Variants in HCRTR2 observed in about 807,000 individuals in gnomAD.
HCRTR2 encodes hypocretin receptor 2, also known as orexin receptor type 2.
Under a neutral mutation model 49.0 loss-of-function variants are expected in HCRTR2, and 22 were observed. The ratio of observed to expected loss-of-function variants is 0.45; its 90% CI spans 0.32 to 0.64. The LOEUF (loss-of-function observed/expected upper bound fraction) is 0.64. HCRTR2 is among the 30% of genes least tolerant of loss of function. HCRTR2 has a pLI of 0.04. For missense variants in HCRTR2, 491 were observed against 559.4 expected (o/e 0.88, Z 1.23); for synonymous variants, 236 against 205.3 (o/e 1.15, Z -1.28).
chr6:55,280,614 C>A, intron 6 of HCRTR2, 170 bp downstream of exon 6: 1 of 305,328 alleles, frequency 3.3e-6, no homozygotes, highest in Non-Finnish European at 4.8e-6. Context: ...TGTTACTGAA[C>A]TCATCAGAGA....
downstream of HCRTR2, among the ~76,000 whole-genome samples, chr6:55,283,798 T>A (rs959224080): frequency 2.0e-4 from 31 of 152,282 alleles, no homozygotes; most frequent in African/African-American, 5.8e-4. Context: ...ATTTTTGTTA[T>A]TTTTTCATTT....
intron 1 of HCRTR2, among the ~76,000 whole-genome samples, chr6:55,181,104 C>T (rs1362520001): frequency 2.0e-5 from 3 of 152,122 alleles, no homozygotes; most frequent in Non-Finnish European, 1.5e-5. Context: ...CTGTGCCTGA[C>T]GTGAACAGGT....
At chr6:55,262,896 G>A (rs1054721762) in intron 3 of HCRTR2, among the ~76,000 whole-genome samples, 2 of 150,850 alleles carry the variant, frequency 1.3e-5, no homozygotes, top group African/African-American at 4.9e-5. Context: ...TGTCTAATCT[G>A]TGATGTGTAT....
Position 55,191,167 on chromosome 6 carries a change from T to C in HCRTR2, c.223+16357T>C, listed in dbSNP as rs564494742. 5.4e-4 allele frequency among the ~76,000 whole-genome samples: 82 copies of C among 152,336 alleles called. No homozygotes were observed. In the South Asian group the frequency reaches 6.0e-3, roughly 11 times the overall value. The stretch of plus-strand genomic sequence containing the variant: ...TTTCCTAGTAACAACTTTGAAATTA[T>C]ATTTTTAGTATATTAAATTTAAAGT... On this transcript the variant is annotated intron_variant, in intron 1 of 6. Transcript: ENST00000370862.
intron 1 of HCRTR2, among the ~76,000 whole-genome samples, chr6:55,140,872 A>C (rs1281171937): frequency 1.3e-5 from 2 of 152,216 alleles, no homozygotes; most frequent in Non-Finnish European, 2.9e-5. Context: ...ACATACAGGC[A>C]TATCTGCCCT....
intron 1 of HCRTR2, among the ~76,000 whole-genome samples, chr6:55,195,367 T>A (rs1053606599): frequency 1.3e-5 from 2 of 152,120 alleles, no homozygotes; most frequent in African/African-American, 4.8e-5. Flanking sequence ...TTCTAGGTAA[T>A]CACTGAAGAT....
At chr6:55,275,566 TC>T (rs1767061604) in intron 4 of HCRTR2, among the ~76,000 whole-genome samples, 1 of 145,458 alleles carries the variant, frequency 6.9e-6, no homozygotes, top group African/African-American at 2.5e-5. Context: ...ATTTTTTTTT[TC>T]CCGATTTCAG....
intron 1 of HCRTR2, among the ~76,000 whole-genome samples, chr6:55,165,777 A>ATATATATC (rs1764869242): frequency 5.7e-5 from 3 of 52,910 alleles, no homozygotes; most frequent in African/African-American, 1.6e-4. Flanking sequence ...ATATATATAT[A>ATATATATC]TATATATATA....
chr6:55,217,702 A>G (rs764265063), intron 1 of HCRTR2, among the ~76,000 whole-genome samples: 1 of 152,186 alleles, frequency 6.6e-6, no homozygotes, highest in East Asian at 1.9e-4. Context: ...TAAATAATTT[A>G]TAAAATGATT....
intron 1 of HCRTR2, among the ~76,000 whole-genome samples, chr6:55,224,604 C>G (rs994793980): frequency 2.8e-5 from 4 of 145,318 alleles, no homozygotes; most frequent in Admixed American, 1.4e-4. Flanking sequence ...GCCTGGGCTA[C>G]AGAACGAGAC....
At chr6:55,165,975 A>G (rs1261896620) in intron 1 of HCRTR2, among the ~76,000 whole-genome samples, 3 of 151,926 alleles carry the variant, frequency 2.0e-5, no homozygotes, top group African/African-American at 7.2e-5. Context: ...TTTGTCATAT[A>G]CAGACTTTAT....
intron 1 of HCRTR2, among the ~76,000 whole-genome samples, chr6:55,193,424 A>G (rs1311867582): frequency 6.6e-6 from 1 of 152,180 alleles, no homozygotes; most frequent in Non-Finnish European, 1.5e-5. Flanking sequence ...AGTGTTGCAG[A>G]GGCAGGGCAT....
At chr6:55,256,984 T>C (rs1379723500) in intron 3 of HCRTR2, among the ~76,000 whole-genome samples, 1 of 152,038 alleles carries the variant, frequency 6.6e-6, no homozygotes, top group African/African-American at 2.4e-5. Flanking sequence ...TGAACAAAAG[T>C]TTACAGAGGA....
chr6:55,234,433 G>C (rs955804310), intron 1 of HCRTR2, among the ~76,000 whole-genome samples: 1 of 152,006 alleles, frequency 6.6e-6, no homozygotes, highest in Admixed American at 6.6e-5. Flanking sequence ...AAGAAGAGAG[G>C]GGAGAAATGG....
intron 1 of HCRTR2, among the ~76,000 whole-genome samples, chr6:55,213,318 T>C (rs1410745727): frequency 1.3e-5 from 2 of 152,134 alleles, no homozygotes; most frequent in Admixed American, 1.3e-4. Context: ...CTTAAAATTA[T>C]CAACATATAA....
intron 3 of HCRTR2, among the ~76,000 whole-genome samples, chr6:55,261,293 A>G (rs1473775292): frequency 6.6e-6 from 1 of 152,200 alleles, no homozygotes; most frequent in East Asian, 1.9e-4. Context: ...TGAATAGACA[A>G]TTCTCAAAAG....
At chr6:55,264,624 A>G (rs1766829253) in intron 4 of HCRTR2, among the ~76,000 whole-genome samples, 1 of 152,134 alleles carries the variant, frequency 6.6e-6, no homozygotes. Context: ...GTAACATTTA[A>G]CTTAAACCTT....
At chr6:55,190,229 C>T (rs1765293184) in intron 1 of HCRTR2, among the ~76,000 whole-genome samples, 1 of 152,142 alleles carries the variant, frequency 6.6e-6, no homozygotes, top group South Asian at 2.1e-4. Context: ...AGACGAAGCT[C>T]CTTCTTGTAG....
At chr6:55,119,555 C>T (rs765406085) in intron 1 of HCRTR2, among the ~76,000 whole-genome samples, 15 of 151,366 alleles carry the variant, frequency 9.9e-5, no homozygotes, top group East Asian at 1.9e-4. Flanking sequence ...TTTTTTCATA[C>T]GTCTGTTCAC....
Sources: allele counts gnomAD v4.1 joint callset (sites outside exome capture counted in the v4.1 genomes callset), GRCh38; gene constraint gnomAD v4.1.1; transcripts MANE v1.5; gene names NCBI Gene and HGNC (gene_info 2026-07-23, HGNC 2026-07-21).